The following CELF2 variants were observed in gnomAD, a reference collection of about 807,000 sequenced individuals.
The protein encoded by CELF2 is CUG triplet repeat RNA-binding protein 2.
CELF2 carries 8 observed loss-of-function variants against 62.6 expected under a neutral mutation model. That is an observed-to-expected ratio of 0.13 (90% CI 0.07 to 0.23). The LOEUF is 0.23. Among genes scored for constraint, CELF2 ranks in the 10% least tolerant of loss-of-function variants. CELF2 has a pLI of 1.00. For missense variants in CELF2, 333 were observed against 671.0 expected (o/e 0.50, Z 5.56); for synonymous variants, 258 against 250.0 (o/e 1.03, Z -0.30).
chr10:11,184,667 C>T (rs569873674), intron 2 of CELF2, among the ~76,000 whole-genome samples: 4 of 152,230 alleles, frequency 2.6e-5, no homozygotes, highest in Admixed American at 6.5e-5. Flanking sequence ...GGTCTTCTAA[C>T]TAATTTTATT....
Position 11,334,577 on chromosome 10 carries a change from ATTTATACACTTT to A in CELF2, c.*5528_*5539del, listed in dbSNP as rs1236215425. The stretch of plus-strand genomic sequence containing the variant: ...GCCCACTTGAACTCCTGCTTCCAAG[ATTTATACACTTT>A]TTTCCTACAGTTCACCTCAGTAACT... On this transcript the variant is annotated 3_prime_UTR_variant, in exon 13 of 13. Transcript: ENST00000633077. 2 of 152,320 alleles carry A rather than the reference ATTTATACACTTT, an allele frequency of 1.3e-5. No homozygotes were observed. Among genetic ancestry groups the A allele is most frequent in the African/African-American group, 4.8e-5 (2 of 41,422 alleles). The allele number at this position is 152,320 out of a possible 1,614,324, so 9.4% of individuals were successfully genotyped here.
chr10:10,815,238 C>T (rs934094830), intron 1 of CELF2, among the ~76,000 whole-genome samples: 1 of 152,206 alleles, frequency 6.6e-6, no homozygotes, highest in East Asian at 1.9e-4. Flanking sequence ...CTCTTTGCCC[C>T]TCTCTCCCCT....
At position 11,285,829 on chromosome 10, in the gene CELF2, GTGT is replaced by G. The variant is rs1565774627; in HGVS notation, c.842-2588_842-2586del. 2.2e-4 allele frequency among the ~76,000 whole-genome samples: 3 copies of G among 13,466 alleles called. No individual in the cohort carries two copies. The highest frequency in any genetic ancestry group is 4.7e-4 in the African/African-American group (2 of 4,296). The allele number at this position is 13,466 out of a possible 152,430, so 8.8% of individuals were successfully genotyped here. A position where few individuals can be genotyped will look rare whatever the true frequency, so the allele number is the denominator to read the frequency against. On this transcript the variant is annotated intron_variant, in intron 8 of 12. Transcript: ENST00000633077. This position sits in a 1 kb window ranked among gnomAD's most constrained non-coding sequence, Gnocchi z 4.3. ...CTCATCACCTACTATATATATTGGTGTGTGTGTGTGTGTGTGTGTGTGTGTGTG... is the reference window on the plus strand; with the variant it reads ...CTCATCACCTACTATATATATTGGTGGTGTGTGTGTGTGTGTGTGTGTGTG...
chr10:10,716,369 C>T, the CELF2 span, among the ~76,000 whole-genome samples: 1,508 of 152,194 alleles, frequency 9.9e-3, 25 homozygotes, highest in African/African-American at 0.034. Context: ...GGCGAAACCC[C>T]GCCTCTACTA....
chr10:10,678,160 T>A, the CELF2 span, among the ~76,000 whole-genome samples: 2 of 152,168 alleles, frequency 1.3e-5, no homozygotes, highest in African/African-American at 4.8e-5. Context: ...TAAAATTACT[T>A]TATAGGAGAT....
the CELF2 span, among the ~76,000 whole-genome samples, chr10:10,728,452 C>CAAAA: frequency 7.4e-5 from 6 of 81,420 alleles, no homozygotes; most frequent in African/African-American, 1.9e-4. Context: ...GACTCTGTTT[C>CAAAA]AAAAAAAAAA....
At chr10:11,032,766 T>G (rs1290460596) in intron 1 of CELF2, among the ~76,000 whole-genome samples, 1 of 152,222 alleles carries the variant, frequency 6.6e-6, no homozygotes, top group Non-Finnish European at 1.5e-5. Context: ...AGGAAACCTA[T>G]AGACCATTCC....
At chr10:11,192,692 C>G (rs937253998) in intron 2 of CELF2, among the ~76,000 whole-genome samples, 3 of 152,208 alleles carry the variant, frequency 2.0e-5, no homozygotes, top group African/African-American at 7.2e-5. Flanking sequence ...GTTGCCCACC[C>G]TCACAGAGTT....
intron 1 of CELF2, among the ~76,000 whole-genome samples, chr10:10,812,756 G>A (rs1221466677): frequency 6.6e-6 from 1 of 152,138 alleles, no homozygotes; most frequent in Non-Finnish European, 1.5e-5. Flanking sequence ...ATCTGCAAAT[G>A]CATATTTTCT....
intron 1 of CELF2, among the ~76,000 whole-genome samples, chr10:10,881,978 G>T (rs138914661): frequency 1.3e-5 from 2 of 152,266 alleles, no homozygotes; most frequent in African/African-American, 4.8e-5. Context: ...ACTGCATTTT[G>T]GCATCTTTTA....
In CELF2 at chr10:11,098,097, GAGAA is replaced by G. The variant is rs2050410573; in HGVS notation, c.75-67382_75-67379del. ...CAGAAAAGCAAATTCAGGATGATGT[GAGAA>G]AGAAAGTCACGTGGCTAGTGAAGGT... On this transcript the variant is annotated intron_variant, in intron 1 of 12. Transcript: ENST00000633077. The surrounding 1 kb of genome is among the most constrained non-coding windows in gnomAD (Gnocchi z 4.0). 6.6e-6 allele frequency: 1 copy of G among 152,434 alleles called. No homozygotes were observed. The highest frequency in any genetic ancestry group is 2.4e-5 in the African/African-American group (1 of 41,470). The allele number at this position is 152,434 out of a possible 1,614,324, so 9.4% of individuals were successfully genotyped here. A position where few individuals can be genotyped will look rare whatever the true frequency, so the allele number is the denominator to read the frequency against.
At chr10:10,601,033 C>G in the CELF2 span, among the ~76,000 whole-genome samples, 6 of 152,184 alleles carry the variant, frequency 3.9e-5, no homozygotes, top group African/African-American at 1.4e-4. Flanking sequence ...GAAGAACAGG[C>G]CTTCCACAGG....
the CELF2 span, among the ~76,000 whole-genome samples, chr10:10,542,510 G>T: frequency 6.6e-6 from 1 of 152,240 alleles, no homozygotes; most frequent in African/African-American, 2.4e-5. Flanking sequence ...ACTGGCAGAG[G>T]AGAGGGAAAG....
the CELF2 span, among the ~76,000 whole-genome samples, chr10:10,608,094 C>A: frequency 6.6e-6 from 1 of 152,102 alleles, no homozygotes; most frequent in African/African-American, 2.4e-5. Flanking sequence ...CGCCATTGTA[C>A]TCCAGCCTGG....
chr10:10,803,226 A>G (rs954187859), intron 1 of CELF2, among the ~76,000 whole-genome samples: 2 of 152,172 alleles, frequency 1.3e-5, no homozygotes, highest in African/African-American at 2.4e-5. Flanking sequence ...AACGCCATAA[A>G]TCAGATTCTG....
Position 11,328,804 on chromosome 10 carries a change from GC to G in CELF2, c.1439-121del. On this transcript the variant is annotated intron_variant, in intron 12 of 12. Coordinates refer to ENST00000633077, the MANE Select transcript of CELF2 (RefSeq NM_001326342.2). The surrounding 1 kb of genome is among the most constrained non-coding windows in gnomAD (Gnocchi z 6.4). ...CTCACGATCAGTTCCGCAGAGCTGT[GC>G]TGGGCCCGTGGGGCTGGCACCTCAT... 1.8e-6 allele frequency: 2 copies of G among 1,135,248 alleles called. No homozygotes were observed. Among genetic ancestry groups the G allele is most frequent in the Non-Finnish European group, 2.5e-6 (2 of 802,288 alleles). 70.3% of individuals were successfully genotyped at this position (1,135,248 alleles called of 1,614,324 possible).
rs66615560 is a variant in CELF2 at position 11,251,270 on chromosome 10, A to ATTTTTTTTTTTTTTTTTT, written c.403+2079_403+2096dup. Reference sequence around the variant, plus strand: ...TATCCCAGTACTGAAACACAAAGGGATTTTTTTTTTTTTTTTTTTTTTTTT... The same window carrying ATTTTTTTTTTTTTTTTTT: ...TATCCCAGTACTGAAACACAAAGGGATTTTTTTTTTTTTTTTTTTTTTTTTTTTTTTTTTTTTTTTTTT... On this transcript the variant is annotated intron_variant, in intron 4 of 12. Transcript: ENST00000633077. 9.5e-5 allele frequency among the ~76,000 whole-genome samples: 6 copies of ATTTTTTTTTTTTTTTTTT among 63,300 alleles called. 1 individual carries two copies. Among genetic ancestry groups the ATTTTTTTTTTTTTTTTTT allele is most frequent in the Non-Finnish European group, 1.6e-4 (6 of 37,972 alleles). 41.5% of individuals were successfully genotyped at this position (63,300 alleles called of 152,430 possible). A position where few individuals can be genotyped will look rare whatever the true frequency, so the allele number is the denominator to read the frequency against.
At chr10:10,687,259 A>G in the CELF2 span, among the ~76,000 whole-genome samples, 1 of 152,206 alleles carries the variant, frequency 6.6e-6, no homozygotes. Context: ...CTAAAGGTTA[A>G]CTTTCCTCCA....
chr10:10,584,501 G>C, the CELF2 span, among the ~76,000 whole-genome samples: 4 of 152,314 alleles, frequency 2.6e-5, no homozygotes, highest in Admixed American at 2.6e-4. Context: ...ACTAAGTTAG[G>C]TTTTCAGTTT....
Sources: gnomAD v4.1 joint callset for allele counts (sites outside exome capture counted in the v4.1 genomes callset) on GRCh38, gnomAD v4.1.1 for gene constraint, Gnocchi (gnomAD v3.1) non-coding constraint, MANE v1.5 for transcripts, NCBI Gene and HGNC (gene_info 2026-07-23, HGNC 2026-07-21) for gene names.